The following ADAMTSL4 variants were observed in gnomAD, a reference collection of about 807,000 sequenced individuals.
The protein encoded by ADAMTSL4 is ADAMTS like 4, also known as ADAMTS-like protein 4.
In ADAMTSL4, 97 loss-of-function variants were observed where a neutral mutation model predicts 122.8. The observed-to-expected ratio is 0.79, with a 90% CI of 0.67 to 0.93. The LOEUF is 0.93. ADAMTSL4 is among the 40% of genes least tolerant of loss of function. The pLI is 0.00. For synonymous variants in ADAMTSL4, 592 were observed against 568.0 expected (o/e 1.04, Z -0.60); for missense variants, 1,408 against 1,453.5 (o/e 0.97, Z 0.51).
In ADAMTSL4 at chr1:150,552,858, C is replaced by T; in HGVS notation, c.79-40C>T. 1 of 1,594,280 alleles carries T rather than the reference C, an allele frequency of 6.3e-7. No homozygotes were observed. The highest frequency in any genetic ancestry group is 1.1e-5 in the South Asian group (1 of 90,756). Reference sequence around the variant, plus strand: ...ACATGGACACTCTGGACAGTTCCCTCTAATCCTTCCAATTCTGTCTGACCT... The same window carrying T: ...ACATGGACACTCTGGACAGTTCCCTTTAATCCTTCCAATTCTGTCTGACCT... On this transcript the variant is annotated intron_variant, in intron 4 of 18. Coordinates refer to ENST00000271643, the MANE Select transcript of ADAMTSL4 (RefSeq NM_019032.6). This position sits in a 1 kb window ranked among gnomAD's most constrained non-coding sequence, Gnocchi z 4.0.
Position 150,552,524 on chromosome 1 carries a change from C to T in ADAMTSL4, c.21-19C>T. On this transcript the variant is annotated intron_variant, in intron 3 of 18. Transcript: ENST00000271643. This position sits in a 1 kb window ranked among gnomAD's most constrained non-coding sequence, Gnocchi z 4.0. ...TCTGGCTCCAGTCTGACGTCCCTCC[C>T]CTGGCCTTTGGTTTGCAGGCCCTGG... is the stretch of plus-strand genomic sequence containing the variant. 1 of 1,614,118 alleles carries T rather than the reference C, an allele frequency of 6.2e-7. No homozygotes were observed. Among genetic ancestry groups the T allele is most frequent in the Non-Finnish European group, 8.5e-7 (1 of 1,179,974 alleles).
In ADAMTSL4 at chr1:150,554,176, G is replaced by A. The variant is rs1354509751; in HGVS notation, c.1131+54G>A. 3.2e-6 allele frequency: 5 copies of A among 1,585,120 alleles called. No homozygotes were observed. The Admixed American group carries it at 8.4e-5, about 27-fold the overall frequency. ...CCCCGACCTCCAGTGTGGCTTCCCT[G>A]CCCTGAAGCTGGGTCTTCAGCTTCC... On this transcript the variant is annotated intron_variant, in intron 6 of 18. Coordinates refer to ENST00000271643, the MANE Select transcript of ADAMTSL4 (RefSeq NM_019032.6). This position sits in a 1 kb window ranked among gnomAD's most constrained non-coding sequence, Gnocchi z 4.0.
chr1:150,551,425 C>A (rs1570915549), intron 2 of ADAMTSL4: 1 of 198,134 alleles, frequency 5.0e-6, no homozygotes, highest in East Asian at 1.2e-4. Flanking sequence ...AAGAGAAAGC[C>A]GGGAGGCAAG....
rs1003404366 is a variant in ADAMTSL4 at position 150,549,791 on chromosome 1, G to C, written c.-158-31G>C. ...TGGAAAACAGACCCATGACCTCCCC[G>C]CGCGGCCGGTGCCTCCTGCCCTCTC... On this transcript the variant is annotated intron_variant, in intron 1 of 18. Coordinates refer to ENST00000271643, the MANE Select transcript of ADAMTSL4 (RefSeq NM_019032.6). This position sits in a 1 kb window ranked among gnomAD's most constrained non-coding sequence, Gnocchi z 5.0. 6.5e-6 allele frequency: 1 copy of C among 154,520 alleles called. No homozygotes were observed. The highest frequency in any genetic ancestry group is 2.4e-5 in the African/African-American group (1 of 41,462). The allele number at this position is 154,520 out of a possible 1,614,324, so 9.6% of individuals were successfully genotyped here.
At position 150,552,774 on chromosome 1, in the gene ADAMTSL4, C is replaced by G. The variant is rs910153294; in HGVS notation, c.79-124C>G. The stretch of plus-strand genomic sequence containing the variant: ...CCAAGAGGCCGAGGTGTAGTTCTCC[C>G]TCTGCTGCTGAATGTGACCTTGGAC... On this transcript the variant is annotated intron_variant, in intron 4 of 18. Transcript: ENST00000271643. The surrounding 1 kb of genome is among the most constrained non-coding windows in gnomAD (Gnocchi z 4.0). The G allele has an allele frequency of 1.5e-6, 2 of 1,301,800 alleles. No homozygotes were observed. Among genetic ancestry groups the G allele is most frequent in the Admixed American group, 1.8e-5 (1 of 56,222 alleles). The allele number at this position is 1,301,800 out of a possible 1,614,324, so 80.6% of individuals were successfully genotyped here.
At chr1:150,555,877 A>T in intron 8 of ADAMTSL4, 1 of 600,480 alleles carries the variant, frequency 1.7e-6, no homozygotes, top group South Asian at 1.9e-5. Context: ...ACATGCACAC[A>T]TGCACACACA....
rs587653070 is a variant in ADAMTSL4 at position 150,552,256 on chromosome 1, C to T, written c.-33C>T. 21 of 1,550,472 alleles carry T rather than the reference C, an allele frequency of 1.4e-5. 1 individual carries two copies. The South Asian group carries it at 2.3e-4, about 17-fold the overall frequency. ...GCGTAGTTTTTGTGACCAGTCCGCTCCTGCCTCCCCCTGGGGCAGTAGAGG... is the reference window on the plus strand; with the variant it reads ...GCGTAGTTTTTGTGACCAGTCCGCTTCTGCCTCCCCCTGGGGCAGTAGAGG... On this transcript the variant is annotated 5_prime_UTR_variant, in exon 3 of 19. Coordinates refer to ENST00000271643, the MANE Select transcript of ADAMTSL4 (RefSeq NM_019032.6). The surrounding 1 kb of genome is among the most constrained non-coding windows in gnomAD (Gnocchi z 4.0).
In ADAMTSL4 at chr1:150,558,064, G is replaced by A. The variant is rs757521676; in HGVS notation, c.2297G>A (p.Cys766Tyr). The A allele has an allele frequency of 6.2e-7, 1 of 1,613,080 alleles. No individual in the cohort carries two copies. The highest frequency in any genetic ancestry group is 8.5e-7 in the Non-Finnish European group (1 of 1,179,990). The change falls in exon 14 of 19, where the codon TGT (cysteine) becomes TAT (tyrosine). Residue 766 changes from cysteine (C) to tyrosine (Y), a missense_variant. Transcript: ENST00000271643. ...GGCTCCTCGGTGCCCCCGGAGCGCT[G>A]TGGACATCTCCCCCGGCCCAACATC... The part of the protein sequence containing the change: ...GGGSSVPPER[C>Y]GHLPRPNITQ...
rs759216315 is a variant in ADAMTSL4 at position 150,559,870 on chromosome 1, G to A, written c.3053G>A (p.Arg1018His). The A allele has an allele frequency of 5.3e-5, 85 of 1,613,902 alleles. No homozygotes were observed. The highest frequency in any genetic ancestry group is 3.5e-4 in the Admixed American group (21 of 60,010). Reference protein sequence around the residue: ...CPPQLRPSRKRPCNSQPCSQR... With the variant: ...CPPQLRPSRKHPCNSQPCSQR... ...CCTCAACTGCGGCCCTCCAGGAAGC[G>A]CCCCTGTAACAGCCAACCCTGCAGC... Residue 1018 changes from arginine (R) to histidine (H), a missense_variant, in exon 18 of 19, where the codon CGC becomes CAC. Coordinates refer to ENST00000271643, the MANE Select transcript of ADAMTSL4 (RefSeq NM_019032.6). The surrounding 1 kb of genome is among the most constrained non-coding windows in gnomAD (Gnocchi z 4.1).
Position 150,549,890 on chromosome 1 carries a change from A to G in ADAMTSL4, c.-90A>G, listed in dbSNP as rs1671222255. ...TTGGAGGACAGGGTCGCCGCGAGGG[A>G]CGCAGGTGGGTGCCCTTGATCCAGC... On this transcript the variant is annotated 5_prime_UTR_variant, in exon 2 of 19. Transcript: ENST00000271643. The surrounding 1 kb of genome is among the most constrained non-coding windows in gnomAD (Gnocchi z 5.0). 1 of 213,754 alleles carries G rather than the reference A, an allele frequency of 4.7e-6. No individual in the cohort carries two copies. 13.2% of individuals were successfully genotyped at this position (213,754 alleles called of 1,614,324 possible). A position where few individuals can be genotyped will look rare whatever the true frequency, so the allele number is the denominator to read the frequency against.
chr1:150,558,025 A>G lies in ADAMTSL4; in HGVS notation c.2258A>G (p.Glu753Gly), dbSNP rs1570956426. ...TQHRQLQCRQ[E>G]FGGGGSSVPP... The stretch of plus-strand genomic sequence containing the variant: ...CACCGCCAGCTGCAGTGCCGGCAGG[A>G]ATTTGGGGGGGGTGGCTCCTCGGTG... The change falls in exon 14 of 19, where the codon GAA becomes GGA. Residue 753 changes from glutamate (E) to glycine (G), a missense_variant. Physicochemically the swap from Glu to Gly is moderately conservative, Grantham distance 98. Coordinates refer to ENST00000271643, the MANE Select transcript of ADAMTSL4 (RefSeq NM_019032.6). 1 of 1,612,598 alleles carries G rather than the reference A, an allele frequency of 6.2e-7. No homozygotes were observed. The highest frequency in any genetic ancestry group is 1.1e-5 in the South Asian group (1 of 91,054).
Position 150,554,874 on chromosome 1 carries a change from CACCGGGATA to C in ADAMTSL4, c.1234+409_1234+417del, listed in dbSNP as rs371844478. 6.2e-3 allele frequency: 3,614 copies of C among 579,030 alleles called. 127 individuals carry two copies. The highest frequency in any genetic ancestry group is 0.061 in the African/African-American group (3,257 of 53,344). 35.9% of individuals were successfully genotyped at this position (579,030 alleles called of 1,614,324 possible). On this transcript the variant is annotated intron_variant, in intron 7 of 18. Coordinates refer to ENST00000271643, the MANE Select transcript of ADAMTSL4 (RefSeq NM_019032.6). This position sits in a 1 kb window ranked among gnomAD's most constrained non-coding sequence, Gnocchi z 4.0. ...TCATTTTAGGCCTGTGTTAACTTGACACCGGGATAAGCACTCAAGAGCTCTGAACACACA... is the reference window on the plus strand; with the variant it reads ...TCATTTTAGGCCTGTGTTAACTTGACAGCACTCAAGAGCTCTGAACACACA...
intron 11 of ADAMTSL4, 43 bp from the exon 12 acceptor site, chr1:150,557,107 G>A (rs375377345): frequency 9.3e-6 from 15 of 1,612,848 alleles, no homozygotes; most frequent in African/African-American, 1.3e-5. Context: ...GGGCTGGCTC[G>A]GGGCAGTGGG....
Position 150,554,831 on chromosome 1 carries a change from C to T in ADAMTSL4, c.1234+364C>T, listed in dbSNP as rs1314430536. ...CCTGGGCACTGTCGTATCGGTTGCT[C>T]CCAGGTTACCATCCGCTTCATTTTA... On this transcript the variant is annotated intron_variant, in intron 7 of 18. Transcript: ENST00000271643. This position sits in a 1 kb window ranked among gnomAD's most constrained non-coding sequence, Gnocchi z 4.0. The T allele has an allele frequency of 1.4e-5, 9 of 625,370 alleles. No homozygotes were observed. The highest frequency in any genetic ancestry group is 2.5e-5 in the Non-Finnish European group (9 of 361,614). 38.7% of individuals were successfully genotyped at this position (625,370 alleles called of 1,614,324 possible).
Position 150,556,804 on chromosome 1 carries a change from G to T in ADAMTSL4, c.1749+11G>T, listed in dbSNP as rs1204549017. 2 of 1,612,052 alleles carry T rather than the reference G, an allele frequency of 1.2e-6. No homozygotes were observed. Among genetic ancestry groups the T allele is most frequent in the Non-Finnish European group, 1.7e-6 (2 of 1,179,184 alleles). On this transcript the variant is annotated intron_variant, in intron 10 of 18. Coordinates refer to ENST00000271643, the MANE Select transcript of ADAMTSL4 (RefSeq NM_019032.6). This position sits in a 1 kb window ranked among gnomAD's most constrained non-coding sequence, Gnocchi z 4.1. ...CCTGTGGATGTCTATGTGAGCCTGG[G>T]GCCAGGGGCAGCTGAATGCTGGGGA... is the stretch of plus-strand genomic sequence containing the variant.
chr1:150,559,516 G>A lies in ADAMTSL4; in HGVS notation c.2943+50G>A. 1 of 1,608,908 alleles carries A rather than the reference G, an allele frequency of 6.2e-7. No individual in the cohort carries two copies. Among genetic ancestry groups the A allele is most frequent in the Non-Finnish European group, 8.5e-7 (1 of 1,178,974 alleles). ...GCCCTGCTCAGCCTGGGCCCCTAGG[G>A]GAGGGGAGCTCCTCTCGCTGTACCC... On this transcript the variant is annotated intron_variant, in intron 17 of 18. Coordinates refer to ENST00000271643, the MANE Select transcript of ADAMTSL4 (RefSeq NM_019032.6). This position sits in a 1 kb window ranked among gnomAD's most constrained non-coding sequence, Gnocchi z 4.1.
intron 12 of ADAMTSL4, 39 bp downstream of exon 12, chr1:150,557,374 AC>A (rs778868853): frequency 1.9e-6 from 3 of 1,601,584 alleles, no homozygotes; most frequent in Admixed American, 3.4e-5. Flanking sequence ...CTCGGTCCAA[AC>A]CCCCCAACTG....
At position 150,554,374 on chromosome 1, in the gene ADAMTSL4, CCT is replaced by C. The variant is rs1671785111; in HGVS notation, c.1142_1143del (p.Pro381ArgfsTer14). The C allele has an allele frequency of 6.8e-6, 11 of 1,613,144 alleles. No individual in the cohort carries two copies. Among genetic ancestry groups the C allele is most frequent in the African/African-American group, 4.0e-5 (3 of 74,866 alleles). On this transcript the variant is annotated frameshift_variant, in exon 7 of 19. Transcript: ENST00000271643. LOFTEE classifies it high-confidence loss of function. The surrounding 1 kb of genome is among the most constrained non-coding windows in gnomAD (Gnocchi z 4.0). Reference sequence around the variant, plus strand: ...GTACCCCTCACCGCAGCCCTGCCCCCCTGAGCAGCCAGACCCCCGGGCCCTGC... The same window carrying C: ...GTACCCCTCACCGCAGCCCTGCCCCCGAGCAGCCAGACCCCCGGGCCCTGC... Reference protein sequence around the residue: ...LRACSQAPCPPEQPDPRALQC... With the variant: ...LRACSQAPCPXEQPDPRALQC...
chr1:150,557,409 G>A (rs1160143450), intron 12 of ADAMTSL4, 74 bp downstream of exon 12: 4 of 1,605,610 alleles, frequency 2.5e-6, no homozygotes, highest in East Asian at 2.3e-5. Context: ...CTGGATTGTG[G>A]GGCCACGCCC....
Sources: gnomAD v4.1 joint callset for allele counts on GRCh38, gnomAD v4.1.1 for gene constraint, Gnocchi (gnomAD v3.1) non-coding constraint, MANE v1.5 for transcripts, NCBI Gene and HGNC (gene_info 2026-07-23, HGNC 2026-07-21) for gene names.